Variants in ANKRD18A observed in about 807,000 individuals in gnomAD.
ANKRD18A encodes ankyrin repeat domain-containing protein 18A.
In ANKRD18A, 72 loss-of-function variants were observed where a neutral mutation model predicts 110.6. The observed-to-expected ratio is 0.65, with a 90% CI of 0.54 to 0.79. The LOEUF (loss-of-function observed/expected upper bound fraction) is 0.79. ANKRD18A is among the 30% of genes least tolerant of loss of function. The probability of loss-of-function intolerance (pLI) is 0.00; values close to 1 mark genes in which losing one functional copy is unlikely to be tolerated. For missense variants in ANKRD18A, 934 were observed against 1,163.3 expected (o/e 0.80, Z 2.87); for synonymous variants, 305 against 410.3 (o/e 0.74, Z 3.10).
At chr9:38,597,837 G>T (rs544763645) in intron 8 of ANKRD18A, among the ~76,000 whole-genome samples, 1 of 151,996 alleles carries the variant, frequency 6.6e-6, no homozygotes, top group African/African-American at 2.4e-5. Context: ...GAGGAGTTAC[G>T]CTACTTATAT....
chr9:38,571,183 C>T (rs747933696), downstream of ANKRD18A: 17 of 1,532,440 alleles, frequency 1.1e-5, no homozygotes, highest in Admixed American at 6.0e-5. Flanking sequence ...GGGAAGGGCT[C>T]GCCTGTGCTT....
Position 38,588,417 on chromosome 9 carries a change from C to T in ANKRD18A, c.2117+134G>A, listed in dbSNP as rs1824478872. 3 of 589,408 alleles carry T rather than the reference C, an allele frequency of 5.1e-6. No homozygotes were observed. In the South Asian group the frequency reaches 2.0e-4, roughly 40 times the overall value. 36.5% of individuals were successfully genotyped at this position (589,408 alleles called of 1,614,324 possible). A position where few individuals can be genotyped will look rare whatever the true frequency, so the allele number is the denominator to read the frequency against. On this transcript the variant is annotated intron_variant, in intron 11 of 15. Transcript: ENST00000399703. ...AGTTGTGTTGTCAGTTTCTGAAATA[C>T]ATTTTAAAACAGAATTCATTTAATT...
chr9:38,573,177 A>G (rs1823727727), intron 15 of ANKRD18A: 2 of 1,002,212 alleles, frequency 2.0e-6, no homozygotes, highest in African/African-American at 3.3e-5. Context: ...TTAAACAAGA[A>G]ATATTATCAT....
intron 15 of ANKRD18A, among the ~76,000 whole-genome samples, chr9:38,574,139 T>C (rs57722848): frequency 0.28 from 42,681 of 152,052 alleles, 6,208 homozygotes; most frequent in East Asian, 0.44. Flanking sequence ...CTCCCACATA[T>C]GAGAGCAAAC....
Position 38,571,752 on chromosome 9 carries a change from A to C in ANKRD18A, c.*293T>G. On this transcript the variant is annotated 3_prime_UTR_variant, in exon 16 of 16. Transcript: ENST00000399703. ...GCAATTTGAGTAGGCCAAACTCAAT[A>C]ACGCTGGTGTTCATTTGCAAGATCC... is the stretch of plus-strand genomic sequence containing the variant. 8 of 1,084,426 alleles carry C rather than the reference A, an allele frequency of 7.4e-6. No homozygotes were observed. Among genetic ancestry groups the C allele is most frequent in the Non-Finnish European group, 9.0e-6 (8 of 893,462 alleles). The allele number at this position is 1,084,426 out of a possible 1,614,324, so 67.2% of individuals were successfully genotyped here. A position where few individuals can be genotyped will look rare whatever the true frequency, so the allele number is the denominator to read the frequency against.
intron 10 of ANKRD18A, 63 bp downstream of exon 10, chr9:38,593,697 A>G: frequency 7.3e-7 from 1 of 1,365,810 alleles, no homozygotes. Context: ...TAGTATCCTA[A>G]GACACTTTAT....
chr9:38,585,141 A>G (rs1343085856), intron 12 of ANKRD18A, among the ~76,000 whole-genome samples: 4 of 152,146 alleles, frequency 2.6e-5, no homozygotes, highest in Non-Finnish European at 4.4e-5. Flanking sequence ...GATCTAGGGA[A>G]GATTAACTAA....
downstream of ANKRD18A, among the ~76,000 whole-genome samples, chr9:38,570,949 G>C (rs984273215): frequency 6.6e-6 from 1 of 152,236 alleles, no homozygotes; most frequent in Non-Finnish European, 1.5e-5. Context: ...ACATTTGGCA[G>C]ACAAGACATC....
chr9:38,580,027 G>A (rs1036619584), intron 12 of ANKRD18A, among the ~76,000 whole-genome samples: 8 of 152,210 alleles, frequency 5.3e-5, no homozygotes, highest in East Asian at 1.9e-4. Context: ...TTGTAGCCAC[G>A]TGGCTCAGTC....
intron 3 of ANKRD18A, among the ~76,000 whole-genome samples, chr9:38,613,708 T>C (rs1015590769): frequency 5.3e-5 from 8 of 152,218 alleles, no homozygotes; most frequent in South Asian, 2.1e-4. Context: ...ACTGACATCC[T>C]GATAATGCCA....
chr9:38,572,888 C>A (rs532585353), intron 15 of ANKRD18A: 217 of 285,328 alleles, frequency 7.6e-4, no homozygotes, highest in African/African-American at 4.4e-3. Flanking sequence ...AGCTATGGAA[C>A]ATGATGAATT....
chr9:38,586,553 G>GT (rs200249641), intron 11 of ANKRD18A, among the ~76,000 whole-genome samples: 3,442 of 151,218 alleles, frequency 0.023, 80 homozygotes, highest in African/African-American at 0.054. Context: ...TACAGTTTTT[G>GT]GTTTTTTTTT....
intron 5 of ANKRD18A, 71 bp downstream of exon 5, chr9:38,610,202 T>A (rs1825547561): frequency 1.4e-6 from 2 of 1,438,818 alleles, no homozygotes; most frequent in South Asian, 3.2e-5. Context: ...ACCTAATGTA[T>A]AAGATGCAAT....
chr9:38,567,971 G>A (rs1001509487), downstream of ANKRD18A: 5 of 152,248 alleles, frequency 3.3e-5, no homozygotes, highest in African/African-American at 9.7e-5. Flanking sequence ...GCCACCTTGG[G>A]GGTGGGCTCA....
At chr9:38,592,303 T>C (rs1166819858) in intron 10 of ANKRD18A, among the ~76,000 whole-genome samples, 1 of 152,258 alleles carries the variant, frequency 6.6e-6, no homozygotes, top group Non-Finnish European at 1.5e-5. Context: ...TCATGTCATA[T>C]ATTATTTTCC....
chr9:38,594,518 G>T (rs1407340879), intron 9 of ANKRD18A, among the ~76,000 whole-genome samples: 1 of 152,076 alleles, frequency 6.6e-6, no homozygotes, highest in Admixed American at 6.6e-5. Flanking sequence ...ATAAATACCT[G>T]CCAGTGGAAA....
intron 9 of ANKRD18A, 83 bp downstream of exon 9, chr9:38,595,403 T>C: frequency 1.7e-6 from 2 of 1,207,538 alleles, no homozygotes; most frequent in Non-Finnish European, 2.2e-6. Context: ...TATTTATTTG[T>C]ATATTGAACT....
chr9:38,568,546 C>G (rs1823534120), downstream of ANKRD18A: 3 of 214,052 alleles, frequency 1.4e-5, no homozygotes, highest in South Asian at 4.9e-4. Flanking sequence ...GGCAGCCCCT[C>G]AGGCTGTGGG....
chr9:38,605,967 A>T (rs1296078013), intron 6 of ANKRD18A, among the ~76,000 whole-genome samples: 1 of 152,202 alleles, frequency 6.6e-6, no homozygotes, highest in Non-Finnish European at 1.5e-5. Context: ...ATTATCCAGC[A>T]CATAAAAAAA....
Sources: gnomAD v4.1 joint callset for allele counts (sites outside exome capture counted in the v4.1 genomes callset) on GRCh38, gnomAD v4.1.1 for gene constraint, MANE v1.5 for transcripts, NCBI Gene and HGNC (gene_info 2026-07-23, HGNC 2026-07-21) for gene names.